The following DNAH10 variants were observed in gnomAD, a reference collection of about 807,000 sequenced individuals.
DNAH10 encodes the protein dynein axonemal heavy chain 10.
DNAH10 carries 348 observed loss-of-function variants against 506.6 expected under a neutral mutation model. The ratio of observed to expected loss-of-function variants is 0.69; its 90% CI spans 0.63 to 0.75. DNAH10 has a LOEUF of 0.75. Ranked by LOEUF, DNAH10 falls within the 30% of genes least tolerant of loss-of-function variation. The pLI, the probability that DNAH10 is intolerant of heterozygous loss-of-function variation, is 0.00. For synonymous variants in DNAH10, 2,059 were observed against 2,198.6 expected (o/e 0.94, Z 1.78); for missense variants, 5,179 against 5,787.1 (o/e 0.89, Z 3.41).
chr12:123,891,430 G>A (rs1192517322), intron 52 of DNAH10, among the ~76,000 whole-genome samples: 4 of 152,204 alleles, frequency 2.6e-5, no homozygotes, highest in Admixed American at 6.5e-5. Flanking sequence ...GTGTACATGA[G>A]TCTGGTTCTC....
At position 123,913,309 on chromosome 12, in the gene DNAH10, A is replaced by G. The variant is rs1394457252; in HGVS notation, c.10346A>G (p.Asn3449Ser). ...CTCATCTCGGGTCTGGGGTCAGAAA[A>G]CATCAGGTTAGCGCTGCTCACGAGC... ...DKLISGLGSE[N>S]IRWLNDLDEL... The change falls in exon 60 of 79, where the codon AAC becomes AGC. Residue 3449 changes from asparagine to serine, a missense_variant. Asn to Ser is a conservative substitution (Grantham distance 46). Transcript: ENST00000673944. This position sits in a 1 kb window ranked among gnomAD's most constrained non-coding sequence, Gnocchi z 5.1. The G allele has an allele frequency of 4.4e-6, 7 of 1,595,704 alleles. No homozygotes were observed. The Admixed American group carries it at 1.2e-4, about 28-fold the overall frequency.
At chr12:123,852,528 C>T (rs1951214253) in intron 35 of DNAH10, among the ~76,000 whole-genome samples, 1 of 151,938 alleles carries the variant, frequency 6.6e-6, no homozygotes, top group Admixed American at 6.6e-5. Context: ...GGTTTTGAAC[C>T]CTTGCCATAG....
intron 7 of DNAH10, among the ~76,000 whole-genome samples, chr12:123,783,571 G>A (rs186585222): frequency 6.6e-6 from 1 of 152,300 alleles, no homozygotes; most frequent in Non-Finnish European, 1.5e-5. Context: ...CTCACATAAT[G>A]GAAAAGTCCA....
chr12:123,790,920 T>C (rs1958055793), intron 11 of DNAH10, among the ~76,000 whole-genome samples: 1 of 151,558 alleles, frequency 6.6e-6, no homozygotes, highest in African/African-American at 2.4e-5. Flanking sequence ...AACCCAGGAG[T>C]TTGAGACCAG....
chr12:123,852,731 G>A (rs187521871), intron 35 of DNAH10, among the ~76,000 whole-genome samples: 3 of 152,058 alleles, frequency 2.0e-5, no homozygotes, highest in Non-Finnish European at 4.4e-5. Context: ...GCGCCACCAC[G>A]CCTGGCTAAT....
chr12:123,807,878 A>T (rs1415413428), intron 18 of DNAH10, among the ~76,000 whole-genome samples: 1 of 18,752 alleles, frequency 5.3e-5, no homozygotes, highest in Non-Finnish European at 1.1e-4. Flanking sequence ...GAGAAACAGG[A>T]AGAGGGAGAG....
chr12:123,866,195 T>C, intron 41 of DNAH10, 122 bp downstream of exon 41: 2 of 413,926 alleles, frequency 4.8e-6, no homozygotes, highest in Non-Finnish European at 7.4e-6. Flanking sequence ...CCCATGTCCC[T>C]GAGCACAAAA....
chr12:123,928,856 G>GCC lies in DNAH10; in HGVS notation c.12306+279_12306+280dup, dbSNP rs11338827. The GCC allele has an allele frequency of 6.4e-5, 27 of 419,670 alleles. No homozygotes were observed. The highest frequency in any genetic ancestry group is 1.7e-4 in the East Asian group (4 of 23,534). The allele number at this position is 419,670 out of a possible 1,614,324, so 26.0% of individuals were successfully genotyped here. On this transcript the variant is annotated intron_variant, in intron 70 of 78. Transcript: ENST00000673944. This position sits in a 1 kb window ranked among gnomAD's most constrained non-coding sequence, Gnocchi z 4.9. ...TACGCTACTTTTCATAAACTTCACGGCCCCCCCCCCCACACACAGCCTGCA... is the reference window on the plus strand; with the variant it reads ...TACGCTACTTTTCATAAACTTCACGGCCCCCCCCCCCCCACACACAGCCTGCA...
intron 12 of DNAH10, 50 bp from the exon 13 acceptor site, chr12:123,796,602 TTGGC>T (rs1958284639): frequency 6.7e-7 from 1 of 1,492,030 alleles, no homozygotes; most frequent in African/African-American, 1.4e-5. Flanking sequence ...CTCATCTTTC[TTGGC>T]TAACCTGGCG....
rs147514590 is a variant in DNAH10 at position 123,789,493 on chromosome 12, C to T, written c.1621-434C>T. Among the ~76,000 whole-genome samples the T allele has an allele frequency of 4.4e-3, 671 of 152,134 alleles. 5 individuals are homozygous for T. Among genetic ancestry groups the T allele is most frequent in the African/African-American group, 0.015 (623 of 41,524 alleles). ...CTGCCTTCCGGGTTGAAGTGATTCT[C>T]CTGCCTCAGCCTCCTGAGTAGCTGG... On this transcript the variant is annotated intron_variant, in intron 10 of 78. Transcript: ENST00000673944.
intron 57 of DNAH10, among the ~76,000 whole-genome samples, chr12:123,905,017 C>T (rs762206889): frequency 6.6e-6 from 1 of 152,220 alleles, no homozygotes. Context: ...ACACAAGGGT[C>T]TCTTCTCTTC....
chr12:123,867,939 G>C lies in DNAH10; in HGVS notation c.7339G>C (p.Glu2447Gln). Residue 2447 changes from glutamate (E) to glutamine (Q), a missense_variant, in exon 43 of 79, where the codon GAA becomes CAA. This residue lies in a region of DNAH10 where 4,844 missense variants were observed against 5,430.5 expected (regional missense o/e 0.89). Coordinates refer to ENST00000673944, the MANE Select transcript of DNAH10 (RefSeq NM_001372106.1). ...AGCCAAGATGTTGGATGCGTTGCTAGAAGGAGAAATAGAAGACCTTGACCT... is the reference window on the plus strand; with the variant it reads ...AGCCAAGATGTTGGATGCGTTGCTACAAGGAGAAATAGAAGACCTTGACCT... Reference protein sequence around the residue: ...QLAKMLDALLEGEIEDLDLLE... With the variant: ...QLAKMLDALLQGEIEDLDLLE... 1 of 1,613,874 alleles carries C rather than the reference G, an allele frequency of 6.2e-7. No homozygotes were observed. Among genetic ancestry groups the C allele is most frequent in the Non-Finnish European group, 8.5e-7 (1 of 1,179,840 alleles).
chr12:123,799,215 C>G (rs748884126), intron 13 of DNAH10, 31 bp from the exon 14 acceptor site: 1 of 1,572,426 alleles, frequency 6.4e-7, no homozygotes, highest in South Asian at 1.2e-5. Context: ...TTTTCAAGGA[C>G]AAAATGACGG....
At chr12:123,767,001 G>A (rs111320231) in intron 1 of DNAH10, among the ~76,000 whole-genome samples, 28,363 of 150,914 alleles carry the variant, frequency 0.19, 2,867 homozygotes, top group Middle Eastern at 0.27. Flanking sequence ...CGCCTCTTGG[G>A]CTCAAGTGAT....
chr12:123,929,852 C>A, intron 72 of DNAH10, 93 bp downstream of exon 72: 1 of 1,094,328 alleles, frequency 9.1e-7, no homozygotes. Flanking sequence ...TCAGAACCAG[C>A]CTCTTCTGCC....
intron 24 of DNAH10, among the ~76,000 whole-genome samples, chr12:123,825,001 T>C (rs1959816897): frequency 6.6e-6 from 1 of 152,046 alleles, no homozygotes; most frequent in South Asian, 2.1e-4. Context: ...CCTGGGTCTC[T>C]CCAACATTAA....
intron 73 of DNAH10, among the ~76,000 whole-genome samples, chr12:123,931,014 C>G (rs189037722): frequency 6.6e-6 from 1 of 152,108 alleles, no homozygotes; most frequent in African/African-American, 2.4e-5. Flanking sequence ...AAGATCCCAT[C>G]TCTACAAAAA....
chr12:123,842,023 T>C (rs937308151), intron 30 of DNAH10, among the ~76,000 whole-genome samples: 2 of 152,212 alleles, frequency 1.3e-5, no homozygotes, highest in African/African-American at 2.4e-5. Flanking sequence ...GAGCACAAGA[T>C]AGCAGTCTTT....
rs553197787 is a variant in DNAH10 at position 123,829,625 on chromosome 12, C to T, written c.4392-921C>T. ...ACCCTTCAGTTTCAGTTCTGACACC[C>T]TCCTTCCTGTCCGTGCTGTGCTAGG... On this transcript the variant is annotated intron_variant, in intron 25 of 78. Transcript: ENST00000673944. Among the ~76,000 whole-genome samples, 7 of 152,308 alleles carry T rather than the reference C, an allele frequency of 4.6e-5. No homozygotes were observed. In the South Asian group the frequency reaches 1.0e-3, roughly 23 times the overall value.
Sources: allele counts gnomAD v4.1 joint callset (sites outside exome capture counted in the v4.1 genomes callset), GRCh38; gene constraint gnomAD v4.1.1; regional missense constraint gnomAD v4.1.1; non-coding constraint Gnocchi (gnomAD v3.1); transcripts MANE v1.5; gene names NCBI Gene and HGNC (gene_info 2026-07-23, HGNC 2026-07-21).